AP1B1: variants seen among roughly 807,000 people sequenced by gnomAD.
The protein encoded by AP1B1 is AP-1 complex subunit beta-1.
A neutral mutation model predicts 104.3 loss-of-function variants in AP1B1; 36 were observed. The ratio of observed to expected loss-of-function variants is 0.35; its 90% CI spans 0.26 to 0.46. The LOEUF is 0.46. AP1B1 is among the 20% of genes least tolerant of loss of function. AP1B1 has a pLI of 1.00. For synonymous variants in AP1B1, 504 were observed against 517.5 expected (o/e 0.97, Z 0.35); for missense variants, 901 against 1,247.9 (o/e 0.72, Z 4.19).
intron 13 of AP1B1, 63 bp downstream of exon 13, chr22:29,341,438 C>T: frequency 6.4e-7 from 1 of 1,570,946 alleles, no homozygotes; most frequent in Non-Finnish European, 8.7e-7. Flanking sequence ...GCCTGAGTGC[C>T]TGTGCTGCTA....
At chr22:29,365,414 C>T (rs1452871188) in intron 2 of AP1B1, among the ~76,000 whole-genome samples, 1 of 152,108 alleles carries the variant, frequency 6.6e-6, no homozygotes, top group Non-Finnish European at 1.5e-5. Context: ...GGGAGAATTG[C>T]TTGAACCCAG....
chr22:29,351,145 C>A (rs769529338), intron 9 of AP1B1, 26 bp downstream of exon 9: 2 of 1,591,872 alleles, frequency 1.3e-6, no homozygotes, highest in Non-Finnish European at 8.6e-7. Context: ...CCTTCTCCAG[C>A]CAAGGACAGA....
Position 29,331,913 on chromosome 22 carries a change from A to G in AP1B1, c.2313T>C (p.Phe771=), listed in dbSNP as rs1214114720. The change falls in exon 18 of 23, where the codon TTT becomes TTC. Residue 771 remains phenylalanine, a synonymous_variant. Coordinates refer to ENST00000357586, the MANE Select transcript of AP1B1 (RefSeq NM_001127.4). ...DFAIQFNRNS[F]GLAPAAPLQV... The stretch of plus-strand genomic sequence containing the variant: ...GGAGGGGGGCGGCGGGGGCCAGGCC[A>G]AAGCTGGGGAGAGAGAAGCCCCACA... 6.2e-7 allele frequency: 1 copy of G among 1,608,744 alleles called. No individual in the cohort carries two copies.
intron 22 of AP1B1, chr22:29,329,399 G>A (rs2061523265): frequency 7.9e-7 from 1 of 1,273,514 alleles, no homozygotes; most frequent in South Asian, 2.3e-5. Context: ...ACAGGCAGAG[G>A]AGAGAGGAGC....
chr22:29,358,705 C>G, intron 5 of AP1B1, 21 bp downstream of exon 5: 1 of 1,601,882 alleles, frequency 6.2e-7, no homozygotes, highest in Non-Finnish European at 8.5e-7. Context: ...GGAGGTAGCA[C>G]GGTGGGTGGC....
chr22:29,348,392 T>C (rs1453491475), intron 11 of AP1B1, among the ~76,000 whole-genome samples: 4 of 152,344 alleles, frequency 2.6e-5, no homozygotes, highest in South Asian at 4.1e-4. Context: ...TTGTTTAAAA[T>C]GCTCCCTAGC....
intron 3 of AP1B1, among the ~76,000 whole-genome samples, chr22:29,360,172 A>G (rs866822249): frequency 1.3e-5 from 2 of 152,200 alleles, no homozygotes; most frequent in Non-Finnish European, 2.9e-5. Context: ...TAAAAGCAGG[A>G]AAGTCCTTGA....
intron 2 of AP1B1, among the ~76,000 whole-genome samples, chr22:29,366,313 C>T (rs1267917463): frequency 6.6e-6 from 1 of 152,174 alleles, no homozygotes; most frequent in Non-Finnish European, 1.5e-5. Context: ...GATATCAAAA[C>T]ATCAAATGAA....
intron 12 of AP1B1, 112 bp from the exon 13 acceptor site, chr22:29,341,872 C>G (rs754097573): frequency 4.7e-6 from 6 of 1,280,358 alleles, no homozygotes; most frequent in Non-Finnish European, 6.4e-6. Context: ...ATGGGGACAG[C>G]AGTCCTGAGT....
intron 14 of AP1B1, 141 bp from the exon 15 acceptor site, chr22:29,339,915 G>A (rs2061689481): frequency 4.2e-6 from 4 of 951,736 alleles, no homozygotes; most frequent in South Asian, 2.9e-5. Flanking sequence ...GGAGTGTGGT[G>A]TGAGGTCTGG....
In AP1B1 at chr22:29,378,285, G is replaced by A. The variant is rs117677518; in HGVS notation, c.-28+10139C>T. 2.4e-4 allele frequency among the ~76,000 whole-genome samples: 37 copies of A among 152,158 alleles called. No homozygotes were observed. In the East Asian group the frequency reaches 3.9e-3, roughly 16 times the overall value. ...CAAAATCAATCTCCTGGCCGGGCAC[G>A]GTGACCCACACCTGTAATCCTAGCA... is the stretch of plus-strand genomic sequence containing the variant. On this transcript the variant is annotated intron_variant, in intron 1 of 22. Transcript: ENST00000357586.
chr22:29,367,462 CTTTT>C (rs368171561), intron 1 of AP1B1, among the ~76,000 whole-genome samples, 192 bp from the exon 2 acceptor site: 24 of 142,520 alleles, frequency 1.7e-4, no homozygotes, highest in Admixed American at 1.7e-3. Flanking sequence ...ATCTATCAAC[CTTTT>C]TTTTTTTTTT....
Position 29,362,160 on chromosome 22 carries a change from C to T in AP1B1, c.143+841G>A, listed in dbSNP as rs2062058089. Among the ~76,000 whole-genome samples, 3 of 151,876 alleles carry T rather than the reference C, an allele frequency of 2.0e-5. No individual in the cohort carries two copies. In the South Asian group the frequency reaches 6.3e-4, roughly 32 times the overall value. Reference sequence around the variant, plus strand: ...GCGCTCCCACAGGGGAAGCATGAGCCAAGGTGCGGCAGCCGCTCTACACAC... The same window carrying T: ...GCGCTCCCACAGGGGAAGCATGAGCTAAGGTGCGGCAGCCGCTCTACACAC... On this transcript the variant is annotated intron_variant, in intron 3 of 22. Coordinates refer to ENST00000357586, the MANE Select transcript of AP1B1 (RefSeq NM_001127.4).
At chr22:29,330,761 G>C (rs1225951699) in intron 19 of AP1B1, 52 bp from the exon 20 acceptor site, 1 of 1,503,508 alleles carries the variant, frequency 6.7e-7, no homozygotes, top group Non-Finnish European at 9.1e-7. Flanking sequence ...TAAACCTGTG[G>C]GCCCTCTGTA....
At chr22:29,339,487 G>A (rs965467997) in intron 15 of AP1B1, among the ~76,000 whole-genome samples, 2 of 152,132 alleles carry the variant, frequency 1.3e-5, no homozygotes, top group African/African-American at 4.8e-5. Context: ...GAGAAGGGTT[G>A]TGGGACTGAG....
chr22:29,342,571 G>A (rs964177861), intron 11 of AP1B1, among the ~76,000 whole-genome samples, 188 bp from the exon 12 acceptor site: 5 of 152,242 alleles, frequency 3.3e-5, no homozygotes, highest in Admixed American at 6.5e-5. Context: ...TGAGCAGCCA[G>A]ACCTCGGCAT....
At chr22:29,369,837 A>AT (rs564733165) in intron 1 of AP1B1, among the ~76,000 whole-genome samples, 4,454 of 120,112 alleles carry the variant, frequency 0.037, 206 homozygotes, top group African/African-American at 0.11. Context: ...ATTAAAAACG[A>AT]TTTTTTTTTT....
chr22:29,361,817 T>TG (rs1353050960), intron 3 of AP1B1, among the ~76,000 whole-genome samples: 5 of 151,634 alleles, frequency 3.3e-5, no homozygotes, highest in Admixed American at 3.3e-4. Flanking sequence ...TTTTTTGAGA[T>TG]GGAGTCTTGC....
At chr22:29,359,079 A>T (rs1176831289) in intron 4 of AP1B1, 108 bp from the exon 5 acceptor site, 2 of 1,151,258 alleles carry the variant, frequency 1.7e-6, no homozygotes, top group Non-Finnish European at 2.4e-6. Flanking sequence ...GCGACATCAG[A>T]TGGCTGCTGT....
Sources: allele counts gnomAD v4.1 joint callset (sites outside exome capture counted in the v4.1 genomes callset), GRCh38; gene constraint gnomAD v4.1.1; transcripts MANE v1.5; gene names NCBI Gene and HGNC (gene_info 2026-07-23, HGNC 2026-07-21).